LRCH1: variants seen among roughly 807,000 people sequenced by gnomAD.
LRCH1 encodes leucine rich repeats and calponin homology domain containing 1.
In LRCH1, 23 loss-of-function variants were observed where a neutral mutation model predicts 94.9. The ratio of observed to expected loss-of-function variants is 0.24; its 90% CI spans 0.17 to 0.34. The LOEUF (loss-of-function observed/expected upper bound fraction) is 0.34. LRCH1 is among the 10% of genes least tolerant of loss of function. The pLI is 1.00. For missense variants in LRCH1, 790 were observed against 945.9 expected, an observed-to-expected ratio of 0.84 and a Z score of 2.16; for synonymous variants, 364 against 354.9, an observed-to-expected ratio of 1.03 and a Z score of -0.29.
intron 1 of LRCH1, among the ~76,000 whole-genome samples, chr13:46,616,239 A>G (rs1195998132): frequency 1.3e-5 from 2 of 152,210 alleles, no homozygotes; most frequent in Non-Finnish European, 2.9e-5. Context: ...TTCCCCAGGC[A>G]CAAGACCAAC....
intron 1 of LRCH1, among the ~76,000 whole-genome samples, chr13:46,614,551 T>TA (rs1566177415): frequency 6.6e-6 from 1 of 152,232 alleles, no homozygotes; most frequent in African/African-American, 2.4e-5. Flanking sequence ...AAACTTTTTT[T>TA]AAAAAGTTTT....
intron 1 of LRCH1, among the ~76,000 whole-genome samples, chr13:46,588,316 A>G (rs960187340): frequency 6.6e-6 from 1 of 152,210 alleles, no homozygotes; most frequent in African/African-American, 2.4e-5. Context: ...TTCAGAGATA[A>G]ATAAGTAACC....
intron 1 of LRCH1, among the ~76,000 whole-genome samples, chr13:46,554,849 T>G (rs1195795255): frequency 6.6e-6 from 1 of 152,218 alleles, no homozygotes; most frequent in Admixed American, 6.5e-5. Context: ...CTCTTGGCTG[T>G]CATCGCCTCA....
chr13:46,611,741 G>T (rs1410829703), intron 1 of LRCH1, among the ~76,000 whole-genome samples: 1 of 152,104 alleles, frequency 6.6e-6, no homozygotes, highest in African/African-American at 2.4e-5. Context: ...ATTATTTGTT[G>T]AGATGATAAT....
At chr13:46,650,568 TTA>T (rs1415755330) in intron 2 of LRCH1, among the ~76,000 whole-genome samples, 5 of 63,754 alleles carry the variant, frequency 7.8e-5, no homozygotes, top group African/African-American at 1.9e-4. Context: ...AGGTTTTTTT[TTA>T]AAAAAATGAT....
intron 1 of LRCH1, among the ~76,000 whole-genome samples, chr13:46,634,879 G>C (rs1318737609): frequency 6.6e-6 from 1 of 152,184 alleles, no homozygotes; most frequent in African/African-American, 2.4e-5. Flanking sequence ...GTACCACGTA[G>C]TCAGTGTGAG....
intron 1 of LRCH1, among the ~76,000 whole-genome samples, chr13:46,646,903 C>T (rs1236692942): frequency 6.6e-6 from 1 of 151,848 alleles, no homozygotes; most frequent in Non-Finnish European, 1.5e-5. Context: ...ACCTGAGGTC[C>T]GGGGTTTAAG....
intron 1 of LRCH1, among the ~76,000 whole-genome samples, chr13:46,638,414 G>A (rs953021954): frequency 9.2e-5 from 14 of 152,148 alleles, no homozygotes; most frequent in African/African-American, 2.4e-4. Flanking sequence ...TTTTTATCTC[G>A]TTTGAAATTA....
At chr13:46,609,015 C>G (rs188881001) in intron 1 of LRCH1, among the ~76,000 whole-genome samples, 1 of 152,080 alleles carries the variant, frequency 6.6e-6, no homozygotes, top group Non-Finnish European at 1.5e-5. Flanking sequence ...TGTATGGCAC[C>G]CTTGAGTGAA....
intron 1 of LRCH1, among the ~76,000 whole-genome samples, chr13:46,614,911 G>C (rs1379010189): frequency 6.6e-6 from 1 of 152,144 alleles, no homozygotes; most frequent in Non-Finnish European, 1.5e-5. Context: ...CAGAATTACT[G>C]TCTGACATTT....
intron 1 of LRCH1, among the ~76,000 whole-genome samples, chr13:46,607,380 A>T (rs191885094): frequency 4.5e-4 from 69 of 152,172 alleles, no homozygotes; most frequent in African/African-American, 1.6e-3. Flanking sequence ...TCTAGAAGAG[A>T]CCTTTTTTTG....
At chr13:46,705,546 T>TG in intron 13 of LRCH1, 1 of 498,090 alleles carries the variant, frequency 2.0e-6, no homozygotes, top group Admixed American at 3.3e-5. Context: ...ATTCTGTAGA[T>TG]TTTTTTACCT....
At chr13:46,692,326 C>A (rs1479347776) in intron 7 of LRCH1, among the ~76,000 whole-genome samples, 1 of 152,170 alleles carries the variant, frequency 6.6e-6, no homozygotes, top group East Asian at 1.9e-4. Context: ...CCACCCCGAC[C>A]CCAAGAATAA....
rs114096446 is a variant in LRCH1, at chr13:46,680,973, G to A, written c.580-768G>A. On this transcript the variant is annotated intron_variant, in intron 3 of 19. Coordinates refer to ENST00000389797, the MANE Select transcript of LRCH1 (RefSeq NM_001164211.2). Reference sequence around the variant, plus strand: ...TGTGGGGGAGTGAAGAGCCCAGCACGGCTCCCAGAGCCAAGAGGAAGAGTG... The same window carrying A: ...TGTGGGGGAGTGAAGAGCCCAGCACAGCTCCCAGAGCCAAGAGGAAGAGTG... Among the ~76,000 whole-genome samples, 609 of 152,262 alleles carry A rather than the reference G, an allele frequency of 4.0e-3. 4 individuals are homozygous for A. The highest frequency in any genetic ancestry group is 0.012 in the African/African-American group (498 of 41,540).
chr13:46,601,145 A>G (rs756609890), intron 1 of LRCH1, among the ~76,000 whole-genome samples: 4 of 152,160 alleles, frequency 2.6e-5, no homozygotes, highest in Non-Finnish European at 5.9e-5. Flanking sequence ...CACCTACCTC[A>G]TGGATGCTTT....
chr13:46,632,569 G>A (rs1251902749), intron 1 of LRCH1, among the ~76,000 whole-genome samples: 1 of 152,126 alleles, frequency 6.6e-6, no homozygotes, highest in South Asian at 2.1e-4. Flanking sequence ...CAAGACAATT[G>A]AAAATGAAAA....
chr13:46,747,172 G>C (rs549059239), downstream of LRCH1, among the ~76,000 whole-genome samples: 11 of 152,130 alleles, frequency 7.2e-5, no homozygotes, highest in Non-Finnish European at 1.6e-4. Context: ...AAGCAGGAGG[G>C]AGGATCTCGG....
chr13:46,681,661 T>C (rs1186450548), intron 3 of LRCH1, 80 bp from the exon 4 acceptor site: 11 of 958,236 alleles, frequency 1.1e-5, no homozygotes, highest in Admixed American at 3.6e-5. Context: ...AATATTTAAA[T>C]TCCTTAAGGA....
intron 3 of LRCH1, among the ~76,000 whole-genome samples, chr13:46,674,867 C>T (rs1422321432): frequency 1.3e-5 from 2 of 152,146 alleles, no homozygotes; most frequent in African/African-American, 4.8e-5. Flanking sequence ...GCGTCCTCAC[C>T]ACAATACAGC....
Sources: allele counts gnomAD v4.1 joint callset (sites outside exome capture counted in the v4.1 genomes callset), GRCh38; gene constraint gnomAD v4.1.1; transcripts MANE v1.5; gene names NCBI Gene and HGNC (gene_info 2026-07-23, HGNC 2026-07-21).